The following KDELR3 variants were observed in gnomAD, a reference collection of about 807,000 sequenced individuals.
KDELR3 encodes the protein ER lumen protein-retaining receptor 3.
Under a neutral mutation model 22.7 loss-of-function variants are expected in KDELR3, and 26 were observed. The ratio of observed to expected loss-of-function variants is 1.15; its 90% CI spans 0.84 to 1.59. The LOEUF is 1.59. KDELR3 is among the 40% of genes most tolerant of loss of function. KDELR3 has a pLI of 0.00. For synonymous variants in KDELR3, 120 were observed against 98.2 expected, an observed-to-expected ratio of 1.22 and a Z score of -1.31; for missense variants, 289 against 251.1, an observed-to-expected ratio of 1.15 and a Z score of -1.02.
rs548647220 is a variant in KDELR3 at position 38,474,624 on chromosome 22, G to T, written c.192+1G>T. On this transcript the variant is annotated splice_donor_variant, in intron 2 of 4. Coordinates refer to ENST00000216014, the MANE Select transcript of KDELR3 (RefSeq NM_006855.4). LOFTEE classifies it high-confidence loss of function. ...CTCCATCTACAACACAGTAATGAAG[G>T]TGAGGGGCTGGGTGATGATGGTTGG... The T allele has an allele frequency of 6.2e-7, 1 of 1,610,770 alleles. No individual in the cohort carries two copies. The highest frequency in any genetic ancestry group is 2.2e-5 in the East Asian group (1 of 44,840).
intron 1 of KDELR3, among the ~76,000 whole-genome samples, chr22:38,470,384 C>T (rs967932266): frequency 2.0e-5 from 3 of 152,170 alleles, no homozygotes; most frequent in Non-Finnish European, 2.9e-5. Context: ...CCACCATGCC[C>T]GGCCAAGTGG....
At chr22:38,468,750 C>G (rs1292913289) in intron 1 of KDELR3, among the ~76,000 whole-genome samples, 2 of 152,190 alleles carry the variant, frequency 1.3e-5, no homozygotes, top group African/African-American at 2.4e-5. Context: ...CCCCGCCCCC[C>G]AAAGTGAGCC....
At position 38,479,613 on chromosome 22, in the gene KDELR3, C is replaced by A; in HGVS notation, c.213C>A (p.Ala71=). 6.2e-7 allele frequency: 1 copy of A among 1,613,876 alleles called. No homozygotes were observed. The highest frequency in any genetic ancestry group is 8.5e-7 in the Non-Finnish European group (1 of 1,179,764). ...TVMKVVFLLC[A]YVTVYMIYGK... is the part of the protein sequence containing the mutation. ...TTTAGGTGGTTTTTCTCCTCTGTGCCTATGTTACAGTGTACATGATATATG... is the reference window on the plus strand; with the variant it reads ...TTTAGGTGGTTTTTCTCCTCTGTGCATATGTTACAGTGTACATGATATATG... Residue 71 remains alanine, a synonymous_variant, in exon 3 of 5, where the codon GCC becomes GCA. Transcript: ENST00000216014.
chr22:38,471,603 C>T (rs979693997), intron 1 of KDELR3, among the ~76,000 whole-genome samples: 11 of 152,166 alleles, frequency 7.2e-5, no homozygotes, highest in Admixed American at 6.5e-5. Context: ...GACCGAGGCT[C>T]GCCCTAAAGC....
chr22:38,483,374 CAAAAA>C lies in KDELR3; in HGVS notation c.*839_*843del, dbSNP rs1319916035. ...AATATCCCCCATCTTTGTCTTGAAACAAAAACTGTTTTAAGACGTCTACGTTGAAT... is the reference window on the plus strand; with the variant it reads ...AATATCCCCCATCTTTGTCTTGAAACCTGTTTTAAGACGTCTACGTTGAAT... On this transcript the variant is annotated 3_prime_UTR_variant, in exon 5 of 5. Transcript: ENST00000216014. 1 of 152,130 alleles carries C rather than the reference CAAAAA, an allele frequency of 6.6e-6. No individual in the cohort carries two copies. Among genetic ancestry groups the C allele is most frequent in the Non-Finnish European group, 1.5e-5 (1 of 68,014 alleles). 9.4% of individuals were successfully genotyped at this position (152,130 alleles called of 1,614,324 possible).
chr22:38,469,518 G>C (rs749537210), intron 1 of KDELR3, among the ~76,000 whole-genome samples: 12 of 152,216 alleles, frequency 7.9e-5, no homozygotes, highest in Non-Finnish European at 1.6e-4. Flanking sequence ...AGTGGTTCTA[G>C]GCCTGGAGGC....
At chr22:38,482,467 A>G in intron 4 of KDELR3, 29 bp from the exon 5 acceptor site, 1 of 1,587,514 alleles carries the variant, frequency 6.3e-7, no homozygotes, top group Non-Finnish European at 8.7e-7. Flanking sequence ...CAGATGGTAA[A>G]TTCTTATTTC....
At position 38,481,470 on chromosome 22, in the gene KDELR3, T is replaced by TC. The variant is rs770261520; in HGVS notation, c.604+8dup. Reference sequence around the variant, plus strand: ...CTACTTGTATGTGACCAAAGGTAGGTCCTGGGATGACAGCAATGCTGACAC... The same window carrying TC: ...CTACTTGTATGTGACCAAAGGTAGGTCCCTGGGATGACAGCAATGCTGACAC... On this transcript the variant is annotated splice_region_variant and intron_variant, in intron 4 of 4. Transcript: ENST00000216014. 4.8e-5 allele frequency: 77 copies of TC among 1,614,012 alleles called. No individual in the cohort carries two copies. The highest frequency in any genetic ancestry group is 6.3e-5 in the Non-Finnish European group (74 of 1,180,036).
At position 38,473,236 on chromosome 22, in the gene KDELR3, G is replaced by A. The variant is rs994888210; in HGVS notation, c.92-1287G>A. On this transcript the variant is annotated intron_variant, in intron 1 of 4. Transcript: ENST00000216014. ...CCAGGAGTTTGAGACCAGGCTGGGC[G>A]ACATAGTGAAACTCTGTCTCTACAA... is the stretch of plus-strand genomic sequence containing the variant. Among the ~76,000 whole-genome samples the A allele has an allele frequency of 3.8e-4, 58 of 152,102 alleles. 1 individual carries two copies. The highest frequency in any genetic ancestry group is 7.7e-4 in the East Asian group (4 of 5,178).
chr22:38,475,739 G>T (rs1449685608), intron 2 of KDELR3, among the ~76,000 whole-genome samples: 1 of 152,026 alleles, frequency 6.6e-6, no homozygotes, highest in Admixed American at 6.6e-5. Flanking sequence ...CCGGGAGCTT[G>T]CCTTGTGCCT....
chr22:38,471,252 A>G (rs1407162291), intron 1 of KDELR3, among the ~76,000 whole-genome samples: 1 of 152,218 alleles, frequency 6.6e-6, no homozygotes, highest in Non-Finnish European at 1.5e-5. Flanking sequence ...TGAAGAGAAA[A>G]GAGGGGTAGG....
intron 2 of KDELR3, among the ~76,000 whole-genome samples, chr22:38,479,032 G>T (rs1429573229): frequency 6.6e-6 from 1 of 152,082 alleles, no homozygotes; most frequent in Non-Finnish European, 1.5e-5. Context: ...TATGCCAGAG[G>T]ACAGCTACTG....
At position 38,476,830 on chromosome 22, in the gene KDELR3, T is replaced by C. The variant is rs1195580662; in HGVS notation, c.192+2207T>C. ...TGAGCCACCACACCTGGCCCCCCCT[T>C]TTTTTTTTTTTTTTGAGACAGAGTG... On this transcript the variant is annotated intron_variant, in intron 2 of 4. Transcript: ENST00000216014. Among the ~76,000 whole-genome samples the C allele has an allele frequency of 7.8e-3, 1,065 of 136,424 alleles. 16 individuals are homozygous for C. The highest frequency in any genetic ancestry group is 0.031 in the African/African-American group (1,036 of 33,778). The allele number at this position is 136,424 out of a possible 152,430, so 89.5% of individuals were successfully genotyped here. A position where few individuals can be genotyped will look rare whatever the true frequency, so the allele number is the denominator to read the frequency against.
rs371960092 is a variant in KDELR3, at chr22:38,470,714, G to A, written c.91+2390G>A. Among the ~76,000 whole-genome samples, 7 of 152,150 alleles carry A rather than the reference G, an allele frequency of 4.6e-5. No homozygotes were observed. The East Asian group carries it at 5.8e-4, about 13-fold the overall frequency. ...GAGTGAGGGCTGCCCCTGGCAGTGG[G>A]GTCCACCTATGCTTAGTGGACCCCG... is the stretch of plus-strand genomic sequence containing the variant. On this transcript the variant is annotated intron_variant, in intron 1 of 4. Transcript: ENST00000216014.
intron 1 of KDELR3, among the ~76,000 whole-genome samples, chr22:38,468,639 A>G (rs966350216): frequency 2.6e-5 from 4 of 152,058 alleles, no homozygotes; most frequent in African/African-American, 9.7e-5. Flanking sequence ...AGTTACACCC[A>G]TTGTTCCTTC....
At position 38,478,629 on chromosome 22, in the gene KDELR3, ATTTTTTTTT is replaced by A. The variant is rs55884876; in HGVS notation, c.193-942_193-934del. ...GGCAAGGGAAGAGACAGCATCTGTG[ATTTTTTTTT>A]TTTTTTTTTTTTTTTTTTTTTGAGA... On this transcript the variant is annotated intron_variant, in intron 2 of 4. Transcript: ENST00000216014. Among the ~76,000 whole-genome samples, 18 of 43,564 alleles carry A rather than the reference ATTTTTTTTT, an allele frequency of 4.1e-4. 1 individual carries two copies. Among genetic ancestry groups the A allele is most frequent in the African/African-American group, 8.3e-4 (9 of 10,794 alleles). 28.6% of individuals were successfully genotyped at this position (43,564 alleles called of 152,430 possible). A position where few individuals can be genotyped will look rare whatever the true frequency, so the allele number is the denominator to read the frequency against.
intron 2 of KDELR3, among the ~76,000 whole-genome samples, chr22:38,477,286 C>T (rs191525551): frequency 1.4e-3 from 206 of 150,348 alleles, no homozygotes; most frequent in Middle Eastern, 3.4e-3. Context: ...TCATTGCAAC[C>T]TCCGCCTCCC....
rs546524854 is a variant in KDELR3, at chr22:38,482,525, A to G, written c.634A>G (p.Met212Val). Residue 212 changes from methionine to valine, a missense_variant, in exon 5 of 5, where the codon ATG becomes GTG. Coordinates refer to ENST00000216014, the MANE Select transcript of KDELR3 (RefSeq NM_006855.4). ...VLKGKKLSLP[M>V]PI The stretch of plus-strand genomic sequence containing the variant: ...TAAGGGAAAGAAGTTAAGTCTTCCA[A>G]TGCCAATCTGAGGACCTTCAGAGAC... 21 of 1,612,870 alleles carry G rather than the reference A, an allele frequency of 1.3e-5. No individual in the cohort carries two copies. Among genetic ancestry groups the G allele is most frequent in the South Asian group, 7.7e-5 (7 of 91,062 alleles).
chr22:38,480,601 AAAT>A (rs767684515), intron 3 of KDELR3, among the ~76,000 whole-genome samples: 1 of 151,940 alleles, frequency 6.6e-6, no homozygotes. Context: ...AGAAAAAAAA[AAAT>A]TAGCCGAGCG....
Sources: gnomAD v4.1 joint callset for allele counts (sites outside exome capture counted in the v4.1 genomes callset) on GRCh38, gnomAD v4.1.1 for gene constraint, MANE v1.5 for transcripts, NCBI Gene and HGNC (gene_info 2026-07-23, HGNC 2026-07-21) for gene names.